The following RGPD4 variants were observed in gnomAD, a reference collection of about 807,000 sequenced individuals.
RGPD4 encodes RANBP2 like and GRIP domain containing 4.
In RGPD4, 84 loss-of-function variants were observed where a neutral mutation model predicts 141.1. The ratio of observed to expected loss-of-function variants is 0.60; its 90% CI spans 0.50 to 0.71. The LOEUF (loss-of-function observed/expected upper bound fraction) is 0.71, where lower values mean the gene tolerates loss of function less well. Ranked by LOEUF, RGPD4 falls within the 30% of genes least tolerant of loss-of-function variation. The pLI, the probability that RGPD4 is intolerant of heterozygous loss-of-function variation, is 0.00. For synonymous variants in RGPD4, 298 were observed against 566.8 expected (o/e 0.53, Z 6.74); for missense variants, 918 against 1,622.4 (o/e 0.57, Z 7.46).
At position 107,850,715 on chromosome 2, in the gene RGPD4, C is replaced by T. The variant is rs1282240259; in HGVS notation, c.978+2179C>T. Among the ~76,000 whole-genome samples the T allele has an allele frequency of 1.7e-4, 5 of 29,380 alleles. 1 individual carries two copies. In the East Asian group the frequency reaches 2.2e-3, roughly 13 times the overall value. 19.3% of individuals were successfully genotyped at this position (29,380 alleles called of 152,430 possible). ...AGGCTGGAGCACAGTGGCACGACCT[C>T]GGCTCACTGCAAGCTCCGCCTCCTG... On this transcript the variant is annotated intron_variant, in intron 7 of 22. Transcript: ENST00000408999.
chr2:107,846,449 C>T (rs1681949831), intron 6 of RGPD4, among the ~76,000 whole-genome samples: 1 of 151,620 alleles, frequency 6.6e-6, no homozygotes, highest in Non-Finnish European at 1.5e-5. Flanking sequence ...TGTAATAAGC[C>T]CTACTGTGTG....
chr2:107,890,576 A>AAAACAC (rs1675628273), intron 22 of RGPD4, 145 bp from the exon 23 acceptor site: 2 of 88,402 alleles, frequency 2.3e-5, no homozygotes, highest in Admixed American at 2.5e-4. Context: ...AAAAAAAAGA[A>AAAACAC]CCCCCCCCCC....
At chr2:107,844,899 G>A (rs1376075271) in intron 6 of RGPD4, among the ~76,000 whole-genome samples, 3 of 105,716 alleles carry the variant, frequency 2.8e-5, no homozygotes, top group South Asian at 8.2e-4. Context: ...GCAGTGGCAC[G>A]ACCTTGACTC....
intron 22 of RGPD4, among the ~76,000 whole-genome samples, chr2:107,888,458 C>A (rs1411865824): frequency 2.6e-5 from 4 of 151,100 alleles, no homozygotes; most frequent in Non-Finnish European, 5.9e-5. Flanking sequence ...GAACACATAA[C>A]CAGTGCCAAG....
chr2:107,836,681 C>CTGTAAAAAAAGAATACA lies in RGPD4; in HGVS notation c.140+17_140+18insAAAAAGAATACATGTAA. 6.9e-7 allele frequency: 1 copy of CTGTAAAAAAAGAATACA among 1,444,528 alleles called. No individual in the cohort carries two copies. Among genetic ancestry groups the CTGTAAAAAAAGAATACA allele is most frequent in the Admixed American group, 2.2e-5 (1 of 44,604 alleles). The allele number at this position is 1,444,528 out of a possible 1,614,324, so 89.5% of individuals were successfully genotyped here. A position where few individuals can be genotyped will look rare whatever the true frequency, so the allele number is the denominator to read the frequency against. ...GATCTTGCTAAAAAGTAAGTACAAA[C>CTGTAAAAAAAGAATACA]TGTAACATGTATTCTTTTTTTAAAA... is the stretch of plus-strand genomic sequence containing the variant. On this transcript the variant is annotated intron_variant, in intron 2 of 22. Coordinates refer to ENST00000408999, the MANE Select transcript of RGPD4 (RefSeq NM_182588.3).
chr2:107,849,362 C>CT (rs60901392), intron 7 of RGPD4, among the ~76,000 whole-genome samples: 803 of 73,358 alleles, frequency 0.011, 4 homozygotes, highest in Non-Finnish European at 0.013. Flanking sequence ...CGCGCCTGGC[C>CT]TTTTTTTTTT....
chr2:107,890,611 T>C, intron 22 of RGPD4, 110 bp from the exon 23 acceptor site: 1 of 245,494 alleles, frequency 4.1e-6, no homozygotes, highest in Non-Finnish European at 7.1e-6. Context: ...ATGTGATCAG[T>C]AAAAAAGACA....
chr2:107,848,076 A>C (rs1682017138), intron 6 of RGPD4, among the ~76,000 whole-genome samples: 1 of 149,796 alleles, frequency 6.7e-6, no homozygotes, highest in South Asian at 2.1e-4. Flanking sequence ...CACTAATCTT[A>C]TATTTATCCT....
At chr2:107,869,704 T>C (rs1258242818) in intron 18 of RGPD4, among the ~76,000 whole-genome samples, 179 bp from the exon 19 acceptor site, 2 of 146,652 alleles carry the variant, frequency 1.4e-5, no homozygotes, top group East Asian at 4.0e-4. Flanking sequence ...GCAGTTTTTT[T>C]CTAGTTTGTC....
intron 20 of RGPD4, among the ~76,000 whole-genome samples, chr2:107,876,592 C>T (rs1210831275): frequency 2.7e-5 from 4 of 150,792 alleles, no homozygotes; most frequent in Non-Finnish European, 4.4e-5. Context: ...TTAGTTCAGC[C>T]GTACCCAGTA....
chr2:107,854,734 G>T (rs1004157875), intron 8 of RGPD4, 91 bp downstream of exon 8: 2 of 1,550,864 alleles, frequency 1.3e-6, no homozygotes, highest in African/African-American at 1.4e-5. Context: ...CTGTCCAGGA[G>T]ATAATTTGTC....
chr2:107,881,855 ATTGTC>A (rs1675375631), intron 21 of RGPD4, among the ~76,000 whole-genome samples: 1 of 151,466 alleles, frequency 6.6e-6, no homozygotes, highest in African/African-American at 2.4e-5. Flanking sequence ...AGTGTTTTAC[ATTGTC>A]TTATATTCCT....
At position 107,880,132 on chromosome 2, in the gene RGPD4, A is replaced by G. The variant is rs368825802; in HGVS notation, c.5064+25A>G. The stretch of plus-strand genomic sequence containing the variant: ...GGTGAGATCAGAAAACCTGGCCACC[A>G]TGAAAACTGCCAATTTGGTTTTCTG... On this transcript the variant is annotated intron_variant, in intron 21 of 22. Transcript: ENST00000408999. The G allele has an allele frequency of 5.3e-5, 86 of 1,611,578 alleles. 4 individuals carry two copies. In the African/African-American group the frequency reaches 7.2e-4, roughly 14 times the overall value.
At chr2:107,874,324 C>T (rs1207722334) in intron 20 of RGPD4, among the ~76,000 whole-genome samples, 3 of 150,046 alleles carry the variant, frequency 2.0e-5, no homozygotes, top group Non-Finnish European at 3.0e-5. Context: ...CTACAGCTTG[C>T]ATATTATATA....
intron 22 of RGPD4, among the ~76,000 whole-genome samples, chr2:107,885,620 A>C (rs1432384595): frequency 6.6e-6 from 1 of 152,230 alleles, no homozygotes; most frequent in Non-Finnish European, 1.5e-5. Context: ...ACAGGAAAAC[A>C]CATTTAAATT....
chr2:107,849,599 A>T (rs832002), intron 7 of RGPD4, among the ~76,000 whole-genome samples: 8,525 of 30,060 alleles, frequency 0.28, 1,400 homozygotes, highest in Middle Eastern at 0.47. Flanking sequence ...CTCAATCTCC[A>T]GACCTAGTCA....
At chr2:107,829,551 C>A (rs113804077) in intron 1 of RGPD4, among the ~76,000 whole-genome samples, 2 of 145,394 alleles carry the variant, frequency 1.4e-5, no homozygotes, top group Admixed American at 6.7e-5. Context: ...CGACCTGGCC[C>A]GGCGGCGGCC....
At chr2:107,854,123 C>T (rs969447887) in intron 7 of RGPD4, among the ~76,000 whole-genome samples, 17 of 133,140 alleles carry the variant, frequency 1.3e-4, no homozygotes, top group Non-Finnish European at 2.3e-4. Flanking sequence ...GGCACAGTCT[C>T]GGCGCACTAC....
intron 22 of RGPD4, among the ~76,000 whole-genome samples, chr2:107,888,205 A>AAGCAC (rs902924032): frequency 7.1e-6 from 1 of 141,362 alleles, no homozygotes; most frequent in Admixed American, 7.1e-5. Context: ...CACCCTATCT[A>AAGCAC]AGCACAGCTT....
Sources: allele counts gnomAD v4.1 joint callset (sites outside exome capture counted in the v4.1 genomes callset), GRCh38; gene constraint gnomAD v4.1.1; transcripts MANE v1.5; gene names NCBI Gene and HGNC (gene_info 2026-07-23, HGNC 2026-07-21).